The following CAPN12 variants were observed in gnomAD, a reference collection of about 807,000 sequenced individuals.
CAPN12 encodes the protein calpain 12, also known as calpain-12.
A neutral mutation model predicts 95.0 loss-of-function variants in CAPN12; 107 were observed. The ratio of observed to expected loss-of-function variants is 1.13; its 90% CI spans 0.96 to 1.32. The LOEUF (loss-of-function observed/expected upper bound fraction) is 1.32, where lower values mean the gene tolerates loss of function less well. Among genes scored for constraint, CAPN12 ranks in the 40% most tolerant of loss-of-function variants. CAPN12 has a pLI of 0.00. For missense variants in CAPN12, 1,136 were observed against 997.8 expected, an observed-to-expected ratio of 1.14 and a Z score of -1.87; for synonymous variants, 505 against 415.5, an observed-to-expected ratio of 1.22 and a Z score of -2.62.
chr19:38,741,717 G>A, intron 4 of CAPN12, 60 bp downstream of exon 4: 1 of 1,596,480 alleles, frequency 6.3e-7, no homozygotes. Context: ...GGGTCCCCCT[G>A]TGGCTTGATG....
chr19:38,736,286 A>T lies in CAPN12; in HGVS notation c.1407T>A (p.His469Gln). ...CGCGCAGCAGCCGGGGCAGGAGCGCATGGCTGCGCGGGGAATCCCAGAGGC... is the reference window on the plus strand; with the variant it reads ...CGCGCAGCAGCCGGGGCAGGAGCGCTTGGCTGCGCGGGGAATCCCAGAGGC... ...LLGLWDSPRS[H>Q]ALLPRLLRAD... Residue 469 changes from histidine to glutamine, a missense_variant, in exon 12 of 21, where the codon CAT becomes CAA. Physicochemically the swap from His to Gln is conservative, Grantham distance 24. Coordinates refer to ENST00000328867, the MANE Select transcript of CAPN12 (RefSeq NM_144691.4). 1 of 1,444,948 alleles carries T rather than the reference A, an allele frequency of 6.9e-7. No homozygotes were observed. The highest frequency in any genetic ancestry group is 9.0e-7 in the Non-Finnish European group (1 of 1,107,158). The allele number at this position is 1,444,948 out of a possible 1,614,324, so 89.5% of individuals were successfully genotyped here.
rs374731241 is a variant in CAPN12, at chr19:38,738,526, G to T, written c.805-23C>A. Reference sequence around the variant, plus strand: ...CACCTGGGGCAGCATCGTCAGTGGGGGTGATGCCTGGACATGGCCTGCCAC... The same window carrying T: ...CACCTGGGGCAGCATCGTCAGTGGGTGTGATGCCTGGACATGGCCTGCCAC... On this transcript the variant is annotated intron_variant, in intron 6 of 20. Transcript: ENST00000328867. 4.3e-6 allele frequency: 7 copies of T among 1,613,600 alleles called. No homozygotes were observed. In the South Asian group the frequency reaches 7.7e-5, roughly 18 times the overall value.
Position 38,730,457 on chromosome 19 carries a change from A to ATTGAT in CAPN12, c.*394_*395insATCAA, listed in dbSNP as rs1031527911. The ATTGAT allele has an allele frequency of 4.8e-6, 1 of 208,158 alleles. No homozygotes were observed. Among genetic ancestry groups the ATTGAT allele is most frequent in the Admixed American group, 5.4e-5 (1 of 18,666 alleles). 12.9% of individuals were successfully genotyped at this position (208,158 alleles called of 1,614,324 possible). A position where few individuals can be genotyped will look rare whatever the true frequency, so the allele number is the denominator to read the frequency against. Reference sequence around the variant, plus strand: ...TTTTTTTTTGAGTTTATTCTGATTGATTTTTTTTCTTGGTTTCTGGATAAA... The same window carrying ATTGAT: ...TTTTTTTTTGAGTTTATTCTGATTGATTGATTTTTTTTTCTTGGTTTCTGGATAAA... On this transcript the variant is annotated 3_prime_UTR_variant, in exon 21 of 21. Coordinates refer to ENST00000328867, the MANE Select transcript of CAPN12 (RefSeq NM_144691.4).
chr19:38,733,615 G>C (rs550352822), intron 18 of CAPN12, 88 bp downstream of exon 18: 1 of 1,218,738 alleles, frequency 8.2e-7, no homozygotes, highest in African/African-American at 1.5e-5. Context: ...CAGTGCAGAC[G>C]GCCACAGCTG....
chr19:38,736,343 G>C, intron 11 of CAPN12, 25 bp from the exon 12 acceptor site: 1 of 1,454,378 alleles, frequency 6.9e-7, no homozygotes, highest in Non-Finnish European at 9.1e-7. Context: ...GCATGACCAC[G>C]GACCAGGCTC....
chr19:38,739,093 T>G (rs1970394645), intron 5 of CAPN12: 2 of 207,022 alleles, frequency 9.7e-6, no homozygotes, highest in African/African-American at 2.3e-5. Flanking sequence ...ATGACACTAC[T>G]GCACTCTGGC....
Position 38,736,144 on chromosome 19 carries a change from G to C in CAPN12, c.1549C>G (p.Leu517Val), listed in dbSNP as rs1484260065. The change falls in exon 12 of 21, where the codon CTG becomes GTG. Residue 517 changes from leucine (L) to valine (V), a missense_variant. Physicochemically the swap from Leu to Val is conservative, Grantham distance 32. Coordinates refer to ENST00000328867, the MANE Select transcript of CAPN12 (RefSeq NM_144691.4). ...TGGCGGCGCTCGGAGAAGACACGCAGAGTGAAGTCAGCCTCGTCGCCGGCG... is the reference window on the plus strand; with the variant it reads ...TGGCGGCGCTCGGAGAAGACACGCACAGTGAAGTCAGCCTCGTCGCCGGCG... ...AHAGDEADFTLRVFSERRHTA... is the reference protein window; with the variant it reads ...AHAGDEADFTVRVFSERRHTA... 1 of 1,515,446 alleles carries C rather than the reference G, an allele frequency of 6.6e-7. No individual in the cohort carries two copies. The highest frequency in any genetic ancestry group is 8.8e-7 in the Non-Finnish European group (1 of 1,135,048). 93.9% of individuals were successfully genotyped at this position (1,515,446 alleles called of 1,614,324 possible). A position where few individuals can be genotyped will look rare whatever the true frequency, so the allele number is the denominator to read the frequency against.
rs371752707 is a variant in CAPN12 at position 38,736,842 on chromosome 19, T to TCTGTCCCTGAGCCCCTCC, written c.1362+296_1363-280dup. On this transcript the variant is annotated intron_variant, in intron 10 of 20. Transcript: ENST00000328867. The stretch of plus-strand genomic sequence containing the variant: ...CTCTGTCCCTAACCTCGTCCCTCTG[T>TCTGTCCCTGAGCCCCTCC]CTGTCCCTGAGCCCCTCCCTCTCAT... 3.2e-3 allele frequency: 1,875 copies of TCTGTCCCTGAGCCCCTCC among 585,428 alleles called. 41 individuals are homozygous for TCTGTCCCTGAGCCCCTCC. The highest frequency in any genetic ancestry group is 0.027 in the African/African-American group (1,405 of 52,338). 36.3% of individuals were successfully genotyped at this position (585,428 alleles called of 1,614,324 possible).
In CAPN12 at chr19:38,736,282, G is replaced by A. The variant is rs1970140212; in HGVS notation, c.1411C>T (p.Leu471Phe). ...TCGGCGCGCAGCAGCCGGGGCAGGAGCGCATGGCTGCGCGGGGAATCCCAG... is the reference window on the plus strand; with the variant it reads ...TCGGCGCGCAGCAGCCGGGGCAGGAACGCATGGCTGCGCGGGGAATCCCAG... The part of the protein sequence containing the change: ...GLWDSPRSHA[L>F]LPRLLRADRS... Residue 471 changes from leucine to phenylalanine, a missense_variant, in exon 12 of 21, where the codon CTC becomes TTC. Transcript: ENST00000328867. The A allele has an allele frequency of 6.2e-6, 9 of 1,446,250 alleles. No individual in the cohort carries two copies. The highest frequency in any genetic ancestry group is 8.1e-6 in the Non-Finnish European group (9 of 1,107,756). 89.6% of individuals were successfully genotyped at this position (1,446,250 alleles called of 1,614,324 possible).
chr19:38,737,843 A>G (rs1970310632), intron 8 of CAPN12, among the ~76,000 whole-genome samples: 1 of 152,188 alleles, frequency 6.6e-6, no homozygotes, highest in South Asian at 2.1e-4. Flanking sequence ...CAAATCGCCA[A>G]GATTCACAAG....
Position 38,734,352 on chromosome 19 carries a change from G to C in CAPN12, c.1782C>G (p.Leu594=). The change falls in exon 16 of 21, where the codon CTC becomes CTG. Residue 594 remains leucine (L), a synonymous_variant. Transcript: ENST00000328867. ...ACTGCAGCAGCTGCTCACAGGTCCTGAGCCCGATCTCTCTGGGGGTGGAGG... is the reference window on the plus strand; with the variant it reads ...ACTGCAGCAGCTGCTCACAGGTCCTCAGCCCGATCTCTCTGGGGGTGGAGG... The part of the protein sequence containing the change: ...AHTSTPREIG[L]RTCEQLLQCF... The C allele has an allele frequency of 1.2e-6, 2 of 1,608,112 alleles. No individual in the cohort carries two copies. Among genetic ancestry groups the C allele is most frequent in the Non-Finnish European group, 1.7e-6 (2 of 1,176,826 alleles).
At position 38,731,031 on chromosome 19, in the gene CAPN12, G is replaced by A; in HGVS notation, c.2075-8C>T. 1 of 1,555,656 alleles carries A rather than the reference G, an allele frequency of 6.4e-7. No homozygotes were observed. The highest frequency in any genetic ancestry group is 8.7e-7 in the Non-Finnish European group (1 of 1,150,138). On this transcript the variant is annotated splice_region_variant and splice_polypyrimidine_tract_variant and intron_variant, in intron 19 of 20. Transcript: ENST00000328867. ...GGTGCTGGCTGCAGTGGCCTGTGCA[G>A]AGAGGGGCAGGGTGAGTGCCCACCA...
chr19:38,742,544 A>C lies in CAPN12; in HGVS notation c.308-16T>G. 6.3e-7 allele frequency: 1 copy of C among 1,579,558 alleles called. No homozygotes were observed. The stretch of plus-strand genomic sequence containing the variant: ...CAGCAGTTACCTGGGAGGAGAGGCC[A>C]GGATTAGGTGAGGATGGAAGGAGGG... On this transcript the variant is annotated splice_polypyrimidine_tract_variant and intron_variant, in intron 2 of 20. Coordinates refer to ENST00000328867, the MANE Select transcript of CAPN12 (RefSeq NM_144691.4).
intron 5 of CAPN12, chr19:38,739,774 CT>C: frequency 3.3e-6 from 1 of 304,124 alleles, no homozygotes; most frequent in Non-Finnish European, 5.9e-6. Context: ...ATGGGGGATC[CT>C]TTTATGCCCA....
At chr19:38,735,154 G>GAGGGAGAGGGTGGTCC (rs1969928555) in intron 14 of CAPN12, 8 of 605,052 alleles carry the variant, frequency 1.3e-5, no homozygotes, top group Non-Finnish European at 2.0e-5. Flanking sequence ...GAGGTGTCAG[G>GAGGGAGAGGGTGGTCC]AGGGAGAGGG....
At position 38,735,420 on chromosome 19, in the gene CAPN12, G is replaced by T; in HGVS notation, c.1636C>A (p.Leu546Met). The T allele has an allele frequency of 1.9e-6, 3 of 1,610,852 alleles. No individual in the cohort carries two copies. The highest frequency in any genetic ancestry group is 2.5e-6 in the Non-Finnish European group (3 of 1,178,914). Residue 546 changes from leucine (L) to methionine (M), a missense_variant, in exon 14 of 21, where the codon CTG becomes ATG. Transcript: ENST00000328867. Reference sequence around the variant, plus strand: ...TGCTCCAACCCCAGCTCCAGGGGCAGGTAGGGGCCCTGCCGCATGGCGGAA... The same window carrying T: ...TGCTCCAACCCCAGCTCCAGGGGCATGTAGGGGCCCTGCCGCATGGCGGAA... ...ADLQSLQGPYLPLELGLEQLF... is the reference protein window; with the variant it reads ...ADLQSLQGPYMPLELGLEQLF...
intron 4 of CAPN12, among the ~76,000 whole-genome samples, chr19:38,740,726 G>A (rs1380344098): frequency 6.6e-6 from 1 of 151,984 alleles, no homozygotes; most frequent in African/African-American, 2.4e-5. Context: ...CTTGAACTCG[G>A]GAGGCGAAGG....
chr19:38,735,598 G>A, intron 12 of CAPN12, 54 bp from the exon 13 acceptor site: 2 of 1,577,972 alleles, frequency 1.3e-6, no homozygotes, highest in Admixed American at 1.7e-5. Context: ...AGCTGGGGCT[G>A]TGTGGGACGG....
At position 38,744,084 on chromosome 19, in the gene CAPN12, G is replaced by T. The variant is rs776674497; in HGVS notation, c.82C>A (p.Arg28=). ...GVGAGRLQLF[R]GQSYEAIRAA... is the part of the protein sequence containing the mutation. ...CGAATTGCCTCATAGCTCTGGCCCC[G>T]AAAAAGCTGCAGGCGCCCGGCTCCG... Residue 28 remains arginine (R), a synonymous_variant, in exon 1 of 21, where the codon CGG becomes AGG. Transcript: ENST00000328867. 6.2e-7 allele frequency: 1 copy of T among 1,614,144 alleles called. No homozygotes were observed. The highest frequency in any genetic ancestry group is 8.5e-7 in the Non-Finnish European group (1 of 1,180,028).
Sources: gnomAD v4.1 joint callset for allele counts (sites outside exome capture counted in the v4.1 genomes callset) on GRCh38, gnomAD v4.1.1 for gene constraint, MANE v1.5 for transcripts, NCBI Gene and HGNC (gene_info 2026-07-23, HGNC 2026-07-21) for gene names.